Variants in CCDC171 observed in about 807,000 individuals in gnomAD.
CCDC171 encodes coiled-coil domain-containing protein 171.
In CCDC171, 177 loss-of-function variants were observed where a neutral mutation model predicts 168.2. That is an observed-to-expected ratio of 1.05 (90% CI 0.93 to 1.19). The LOEUF is 1.19. CCDC171 is among the 50% of genes most tolerant of loss of function. The pLI, the probability that CCDC171 is intolerant of heterozygous loss-of-function variation, is 0.00. For synonymous variants in CCDC171, 687 were observed against 540.8 expected (o/e 1.27, Z -3.75); for missense variants, 1,991 against 1,539.0 (o/e 1.29, Z -4.91).
At chr9:15,862,289 C>T (rs899502010) in intron 23 of CCDC171, among the ~76,000 whole-genome samples, 18 of 151,558 alleles carry the variant, frequency 1.2e-4, no homozygotes, top group Admixed American at 3.9e-4. Flanking sequence ...GGTGATTTCA[C>T]GTGGCCTATC....
chr9:15,788,880 T>A (rs1440251564), intron 21 of CCDC171, among the ~76,000 whole-genome samples: 1 of 152,124 alleles, frequency 6.6e-6, no homozygotes, highest in Non-Finnish European at 1.5e-5. Flanking sequence ...TGTAATAGTT[T>A]TTATAAATAA....
chr9:15,664,953 C>T (rs574315119), intron 8 of CCDC171, among the ~76,000 whole-genome samples: 22 of 152,104 alleles, frequency 1.4e-4, no homozygotes, highest in African/African-American at 4.3e-4. Context: ...CCCACCTTGG[C>T]CTGGGAGTAT....
At position 15,625,413 on chromosome 9, in the gene CCDC171, T is replaced by TAA. The variant is rs555487301; in HGVS notation, c.822+2000_822+2001insAA. Among the ~76,000 whole-genome samples the TAA allele has an allele frequency of 4.7e-3, 713 of 152,324 alleles. 7 individuals are homozygous for TAA. Among genetic ancestry groups the TAA allele is most frequent in the African/African-American group, 0.016 (677 of 41,578 alleles). ...CCCCATGCCTATGTCCTGAATGGTA[T>TAA]TGCCTAGCTTTTCTTCTAGGGTTTT... On this transcript the variant is annotated intron_variant, in intron 7 of 25. Transcript: ENST00000380701.
chr9:16,001,393 T>G (rs1832540024), intron 3 of CCDC171, among the ~76,000 whole-genome samples: 1 of 151,148 alleles, frequency 6.6e-6, no homozygotes, highest in Non-Finnish European at 1.5e-5. Flanking sequence ...GGTTTTCTCA[T>G]ATGTATGTGT....
intron 24 of CCDC171, among the ~76,000 whole-genome samples, chr9:15,915,930 A>G (rs1412391644): frequency 6.6e-6 from 1 of 152,086 alleles, no homozygotes; most frequent in Non-Finnish European, 1.5e-5. Context: ...ATTTACATAT[A>G]TTGAACCATC....
chr9:15,943,608 C>A (rs1397512602), intron 25 of CCDC171, among the ~76,000 whole-genome samples: 1 of 151,934 alleles, frequency 6.6e-6, no homozygotes, highest in Non-Finnish European at 1.5e-5. Context: ...CCACACTGTA[C>A]CTGACTCATT....
chr9:15,900,481 A>G (rs1420991550), intron 24 of CCDC171, among the ~76,000 whole-genome samples: 1 of 150,974 alleles, frequency 6.6e-6, no homozygotes, highest in Non-Finnish European at 1.5e-5. Context: ...TCACAGCTCC[A>G]GATGATACCT....
At chr9:15,569,342 G>A (rs540872045) in intron 2 of CCDC171, among the ~76,000 whole-genome samples, 10 of 152,098 alleles carry the variant, frequency 6.6e-5, no homozygotes, top group Non-Finnish European at 1.5e-4. Flanking sequence ...GTAATAGGGG[G>A]TCATAAAAGT....
chr9:15,633,333 A>C (rs1016540078), intron 7 of CCDC171, among the ~76,000 whole-genome samples: 2 of 152,154 alleles, frequency 1.3e-5, no homozygotes, highest in Non-Finnish European at 2.9e-5. Context: ...CAAGAAAAAA[A>C]CAAACAACCC....
At chr9:15,981,659 C>A (rs1831800905) in intron 3 of CCDC171, among the ~76,000 whole-genome samples, 1 of 152,136 alleles carries the variant, frequency 6.6e-6, no homozygotes. Flanking sequence ...AAGTACGCAG[C>A]TCATTTTAAA....
the CCDC171 span, among the ~76,000 whole-genome samples, chr9:16,080,158 C>T: frequency 1.3e-5 from 2 of 152,202 alleles, no homozygotes; most frequent in Non-Finnish European, 2.9e-5. Flanking sequence ...CCCTCTCAGG[C>T]ACTCTCCACT....
At chr9:16,092,650 G>A in the CCDC171 span, among the ~76,000 whole-genome samples, 1 of 152,184 alleles carries the variant, frequency 6.6e-6, no homozygotes, top group African/African-American at 2.4e-5. Context: ...TTTTACCAGA[G>A]CAGTGAAGGG....
intron 21 of CCDC171, among the ~76,000 whole-genome samples, chr9:15,799,614 G>A (rs115952906): frequency 1.0e-3 from 159 of 152,020 alleles, no homozygotes; most frequent in African/African-American, 3.5e-3. Flanking sequence ...TTTGTGTTGC[G>A]AACAATCCAA....
intron 21 of CCDC171, among the ~76,000 whole-genome samples, chr9:15,806,660 T>C (rs1188576168): frequency 6.6e-6 from 1 of 152,114 alleles, no homozygotes; most frequent in Non-Finnish European, 1.5e-5. Context: ...TTAACATTCT[T>C]TTTTTTCATT....
chr9:15,809,716 C>G (rs566443951), intron 21 of CCDC171, among the ~76,000 whole-genome samples: 1 of 152,158 alleles, frequency 6.6e-6, no homozygotes, highest in African/African-American at 2.4e-5. Flanking sequence ...AGTGTTACAG[C>G]TCATAAAGGC....
Position 15,818,356 on chromosome 9 carries a change from ATGAGT to A in CCDC171, c.3268-28341_3268-28337del, listed in dbSNP as rs1186860871. 1.7e-5 allele frequency among the ~76,000 whole-genome samples: 2 copies of A among 118,176 alleles called. 1 individual carries two copies. The highest frequency in any genetic ancestry group is 1.6e-4 in the Admixed American group (2 of 12,496). 77.5% of individuals were successfully genotyped at this position (118,176 alleles called of 152,430 possible). A position where few individuals can be genotyped will look rare whatever the true frequency, so the allele number is the denominator to read the frequency against. On this transcript the variant is annotated intron_variant, in intron 21 of 25. Transcript: ENST00000380701. Reference sequence around the variant, plus strand: ...CAAAGCTGGACAGAGAATGACTTTGATGAGTTGAGAGAAGAAGGCTTCAGAAGATA... The same window carrying A: ...CAAAGCTGGACAGAGAATGACTTTGATGAGAGAAGAAGGCTTCAGAAGATA...
At chr9:15,713,571 G>A (rs1402913628) in intron 11 of CCDC171, among the ~76,000 whole-genome samples, 2 of 152,086 alleles carry the variant, frequency 1.3e-5, no homozygotes, top group Non-Finnish European at 2.9e-5. Context: ...CTAGTCACAT[G>A]GTGAATTGTT....
intron 3 of CCDC171, among the ~76,000 whole-genome samples, chr9:15,989,009 A>T (rs562952282): frequency 6.6e-6 from 1 of 152,206 alleles, no homozygotes. Flanking sequence ...GGGGCAGGGC[A>T]TAGATGAACA....
chr9:15,871,441 TAA>T (rs920900698), intron 23 of CCDC171, among the ~76,000 whole-genome samples: 5 of 151,348 alleles, frequency 3.3e-5, no homozygotes, highest in African/African-American at 1.2e-4. Flanking sequence ...TAATTCACAC[TAA>T]ACTCAGTACT....
Sources: gnomAD v4.1 joint callset for allele counts (sites outside exome capture counted in the v4.1 genomes callset) on GRCh38, gnomAD v4.1.1 for gene constraint, MANE v1.5 for transcripts, NCBI Gene and HGNC (gene_info 2026-07-23, HGNC 2026-07-21) for gene names.